MYOCD: variants seen among roughly 807,000 people sequenced by gnomAD.
MYOCD encodes myocardin.
Under a neutral mutation model 96.1 loss-of-function variants are expected in MYOCD, and 32 were observed. The ratio of observed to expected loss-of-function variants is 0.33; its 90% confidence interval spans 0.25 to 0.45. MYOCD has a LOEUF of 0.45. Among genes scored for constraint, MYOCD ranks in the 20% least tolerant of loss-of-function variants. The probability of loss-of-function intolerance (pLI) is 1.00; values close to 1 mark genes in which losing one functional copy is unlikely to be tolerated. For synonymous variants in MYOCD, 469 were observed against 469.0 expected, an observed-to-expected ratio of 1.00 and a Z score of 0.00; for missense variants, 1,133 against 1,200.6, an observed-to-expected ratio of 0.94 and a Z score of 0.83.
rs758872493 is a variant in MYOCD at position 12,765,609 on chromosome 17, G to A, written c.*1965G>A. ...TGTGTGTGCATGTATCTCCAAAAGC[G>A]GCGTTACAGAGTTCTACACCAAAAG... On this transcript the variant is annotated 3_prime_UTR_variant, in exon 14 of 14. Transcript: ENST00000425538. 10 of 152,074 alleles carry A rather than the reference G, an allele frequency of 6.6e-5. No individual in the cohort carries two copies. Among genetic ancestry groups the A allele is most frequent in the South Asian group, 2.1e-4 (1 of 4,824 alleles). 9.4% of individuals were successfully genotyped at this position (152,074 alleles called of 1,614,324 possible). A position where few individuals can be genotyped will look rare whatever the true frequency, so the allele number is the denominator to read the frequency against.
chr17:12,752,453 C>A lies in MYOCD; in HGVS notation c.1165C>A (p.Pro389Thr), dbSNP rs1250016725. Residue 389 changes from proline (P) to threonine (T), a missense_variant, in exon 10 of 14, where the codon CCT (proline) becomes ACT (threonine). By Grantham distance (38) the Pro-to-Thr change is conservative. Coordinates refer to ENST00000425538, the MANE Select transcript of MYOCD (RefSeq NM_001146312.3). ...ACAACAGCTTCGAATTCGGGGCTTG[C>A]CTGTGTCAGGCACCAAAACGGCTCT... ...LRQQLRIRGL[P>T]VSGTKTALMD... 1 of 1,613,820 alleles carries A rather than the reference C, an allele frequency of 6.2e-7. No homozygotes were observed. Among genetic ancestry groups the A allele is most frequent in the Admixed American group, 1.7e-5 (1 of 59,942 alleles).
intron 1 of MYOCD, among the ~76,000 whole-genome samples, chr17:12,693,679 AAAAT>A (rs996491374): frequency 2.0e-5 from 3 of 148,824 alleles, no homozygotes; most frequent in African/African-American, 7.4e-5. Context: ...AAAATAAAAT[AAAAT>A]AAGGTGCTCC....
intron 10 of MYOCD, 72 bp downstream of exon 10, chr17:12,753,418 A>G: frequency 1.5e-6 from 2 of 1,353,594 alleles, no homozygotes; most frequent in Non-Finnish European, 2.0e-6. Context: ...CAACTGCTAA[A>G]GAGCTAATGT....
chr17:12,727,245 A>G (rs953244495), intron 5 of MYOCD, among the ~76,000 whole-genome samples: 7 of 152,216 alleles, frequency 4.6e-5, no homozygotes, highest in African/African-American at 1.7e-4. Flanking sequence ...CCAAAAGTGG[A>G]CAGCAGTAAT....
At chr17:12,750,713 C>T (rs148786797) in intron 9 of MYOCD, among the ~76,000 whole-genome samples, 120 of 150,286 alleles carry the variant, frequency 8.0e-4, no homozygotes, top group African/African-American at 2.6e-3. Context: ...TTAATTTTTG[C>T]CGCTACTTAA....
chr17:12,730,024 G>A (rs2150697135), intron 5 of MYOCD, among the ~76,000 whole-genome samples: 1 of 152,212 alleles, frequency 6.6e-6, no homozygotes, highest in East Asian at 1.9e-4. Context: ...GTGCATGCCT[G>A]TAGTCCTAGT....
chr17:12,743,164 T>C (rs1447923342), intron 7 of MYOCD, among the ~76,000 whole-genome samples: 2 of 152,176 alleles, frequency 1.3e-5, no homozygotes, highest in Non-Finnish European at 2.9e-5. Context: ...CCTGATTCAG[T>C]GTGTCCAAAT....
intron 7 of MYOCD, among the ~76,000 whole-genome samples, chr17:12,741,689 G>A (rs1327761654): frequency 7.0e-6 from 1 of 143,688 alleles, no homozygotes; most frequent in East Asian, 2.1e-4. Flanking sequence ...TAGCCTGGTC[G>A]ACAGAGCGAG....
chr17:12,717,835 C>G (rs1018807358), intron 4 of MYOCD, among the ~76,000 whole-genome samples: 4 of 152,152 alleles, frequency 2.6e-5, no homozygotes, highest in Non-Finnish European at 4.4e-5. Context: ...CCTTTACCTT[C>G]TGGTGTGCAG....
chr17:12,700,271 G>A (rs2031001877), intron 1 of MYOCD, among the ~76,000 whole-genome samples: 1 of 151,920 alleles, frequency 6.6e-6, no homozygotes, highest in African/African-American at 2.4e-5. Context: ...TTTGTTCAAA[G>A]TGTTTTTAAT....
chr17:12,753,025 T>C lies in MYOCD; in HGVS notation c.1737T>C (p.Cys579=), dbSNP rs780253588. 6.2e-7 allele frequency: 1 copy of C among 1,614,172 alleles called. No individual in the cohort carries two copies. Among genetic ancestry groups the C allele is most frequent in the South Asian group, 1.1e-5 (1 of 91,078 alleles). Residue 579 remains cysteine, a synonymous_variant, in exon 10 of 14, where the codon TGT becomes TGC. Transcript: ENST00000425538. The part of the protein sequence containing the change: ...SIKQEEAVSS[C]PFASQVPVKR... ...AGCAGGAAGAGGCTGTCTCCAGCTG[T>C]CCTTTTGCATCCCAAGTACCTGTGA...
At chr17:12,754,572 A>G (rs2032960841) in intron 10 of MYOCD, among the ~76,000 whole-genome samples, 1 of 152,238 alleles carries the variant, frequency 6.6e-6, no homozygotes, top group South Asian at 2.1e-4. Context: ...GGATCAGAAA[A>G]AGGGCCAGTG....
chr17:12,745,214 C>G (rs2032626538), intron 8 of MYOCD, among the ~76,000 whole-genome samples: 1 of 151,688 alleles, frequency 6.6e-6, no homozygotes, highest in South Asian at 2.1e-4. Context: ...TTTATTTATT[C>G]ATTTATTTTT....
chr17:12,682,181 C>T (rs1481522725), intron 1 of MYOCD, among the ~76,000 whole-genome samples: 1 of 152,228 alleles, frequency 6.6e-6, no homozygotes, highest in Non-Finnish European at 1.5e-5. Flanking sequence ...AGGAACATGT[C>T]AGACCCACAG....
In MYOCD at chr17:12,756,545, T is replaced by G; in HGVS notation, c.2190T>G (p.Cys730Trp). Residue 730 changes from cysteine (C) to tryptophan (W), a missense_variant, in exon 11 of 14, where the codon TGT becomes TGG. By Grantham distance (215) the Cys-to-Trp change is radical. Coordinates refer to ENST00000425538, the MANE Select transcript of MYOCD (RefSeq NM_001146312.3). The part of the protein sequence containing the change: ...AGGNPCPKSP[C>W]VQQKMAGLHS... ...GAAACCCTTGTCCCAAAAGCCCATG[T>G]GTACAGCAAAAGGTAGGCACCTGAA... is the stretch of plus-strand genomic sequence containing the variant. 6.4e-7 allele frequency: 1 copy of G among 1,551,052 alleles called. No individual in the cohort carries two copies. The highest frequency in any genetic ancestry group is 8.7e-7 in the Non-Finnish European group (1 of 1,146,778).
intron 9 of MYOCD, among the ~76,000 whole-genome samples, chr17:12,747,913 C>T (rs1238908702): frequency 1.3e-5 from 2 of 150,432 alleles, no homozygotes; most frequent in Non-Finnish European, 3.0e-5. Context: ...CGCCTATAAT[C>T]GCAGCACTTT....
intron 2 of MYOCD, among the ~76,000 whole-genome samples, chr17:12,715,201 G>A (rs150990818): frequency 9.1e-4 from 139 of 152,220 alleles, no homozygotes; most frequent in Middle Eastern, 3.4e-3. Flanking sequence ...AAACCAGAGC[G>A]TTATTTCTGT....
chr17:12,707,636 C>A (rs1279826649), intron 2 of MYOCD, among the ~76,000 whole-genome samples: 1 of 152,150 alleles, frequency 6.6e-6, no homozygotes, highest in Non-Finnish European at 1.5e-5. Context: ...ATGGCGTGAA[C>A]CCAGGAGGCA....
intron 9 of MYOCD, among the ~76,000 whole-genome samples, chr17:12,750,960 T>C (rs911208601): frequency 1.3e-5 from 2 of 152,178 alleles, no homozygotes; most frequent in South Asian, 4.1e-4. Flanking sequence ...TTTAACACTT[T>C]ATTATTTGTG....
Sources: gnomAD v4.1 joint callset for allele counts (sites outside exome capture counted in the v4.1 genomes callset) on GRCh38, gnomAD v4.1.1 for gene constraint, MANE v1.5 for transcripts, NCBI Gene and HGNC (gene_info 2026-07-23, HGNC 2026-07-21) for gene names.